Variants in CEP85L observed in about 807,000 individuals in gnomAD.
The protein encoded by CEP85L is centrosomal protein 85L.
CEP85L carries 60 observed loss-of-function variants against 100.3 expected under a neutral mutation model. That is an observed-to-expected ratio of 0.60 (90% CI 0.49 to 0.74). CEP85L has a LOEUF of 0.74. CEP85L is among the 30% of genes least tolerant of loss of function. The probability of loss-of-function intolerance (pLI) is 0.00; values close to 1 mark genes in which losing one functional copy is unlikely to be tolerated. For synonymous variants in CEP85L, 319 were observed against 322.7 expected (o/e 0.99, Z 0.12); for missense variants, 973 against 936.2 (o/e 1.04, Z -0.51).
chr6:118,651,126 G>A (rs1562340058), intron 1 of CEP85L, 71 bp downstream of exon 1: 1 of 1,436,022 alleles, frequency 7.0e-7, no homozygotes, highest in Non-Finnish European at 9.1e-7. Flanking sequence ...GAGGGGAGCG[G>A]CGGCGAGGTC....
intron 2 of CEP85L, among the ~76,000 whole-genome samples, chr6:118,587,482 T>G (rs181077165): frequency 6.6e-6 from 1 of 152,198 alleles, no homozygotes; most frequent in African/African-American, 2.4e-5. Context: ...TATACAAGGA[T>G]AGAAGCCCTA....
chr6:118,491,018 G>A (rs149027410), intron 6 of CEP85L, among the ~76,000 whole-genome samples: 139 of 152,120 alleles, frequency 9.1e-4, no homozygotes, highest in African/African-American at 3.1e-3. Flanking sequence ...ATGTAATGAC[G>A]TCTATTCCTC....
At chr6:118,508,010 T>G (rs1775758446) in intron 5 of CEP85L, among the ~76,000 whole-genome samples, 1 of 152,216 alleles carries the variant, frequency 6.6e-6, no homozygotes, top group African/African-American at 2.4e-5. Flanking sequence ...TTATCCATAG[T>G]TAAGATAAAC....
At chr6:118,667,792 A>C (rs1419992046) in intron 1 of CEP85L, among the ~76,000 whole-genome samples, 1 of 152,166 alleles carries the variant, frequency 6.6e-6, no homozygotes, top group East Asian at 1.9e-4. Context: ...CTTTCTATCT[A>C]CTACCCACTG....
chr6:118,606,031 A>G (rs1172878035), intron 2 of CEP85L, among the ~76,000 whole-genome samples: 1 of 150,974 alleles, frequency 6.6e-6, no homozygotes, highest in Non-Finnish European at 1.5e-5. Flanking sequence ...AAAAAAAAAA[A>G]GTGGAAAGCC....
At chr6:118,492,946 C>G (rs1409967003) in intron 5 of CEP85L, among the ~76,000 whole-genome samples, 1 of 152,068 alleles carries the variant, frequency 6.6e-6, no homozygotes, top group Non-Finnish European at 1.5e-5. Flanking sequence ...TTATCATGTC[C>G]AGGCTATTTC....
At chr6:118,506,416 C>A (rs1444593546) in intron 5 of CEP85L, among the ~76,000 whole-genome samples, 2 of 152,080 alleles carry the variant, frequency 1.3e-5, no homozygotes, top group East Asian at 3.9e-4. Context: ...CTGGCGTGAA[C>A]TGAAAGTCTA....
chr6:118,650,447 G>C (rs1775473344), intron 1 of CEP85L, among the ~76,000 whole-genome samples: 1 of 152,174 alleles, frequency 6.6e-6, no homozygotes, highest in African/African-American at 2.4e-5. Flanking sequence ...GATACAAACA[G>C]ACCCCTTCAG....
chr6:118,581,791 C>T (rs78787171), intron 2 of CEP85L, among the ~76,000 whole-genome samples: 1,629 of 152,208 alleles, frequency 0.011, 11 homozygotes, highest in Non-Finnish European at 0.018. Context: ...ACTGGGACTC[C>T]TTCAACCCTG....
chr6:118,653,831 T>A (rs1775681344), upstream of CEP85L, among the ~76,000 whole-genome samples: 1 of 151,504 alleles, frequency 6.6e-6, no homozygotes, highest in South Asian at 2.1e-4. Flanking sequence ...GGAGGGGACT[T>A]TTTAAGAATA....
intron 2 of CEP85L, among the ~76,000 whole-genome samples, chr6:118,608,740 A>T (rs1772416133): frequency 6.6e-6 from 1 of 152,242 alleles, no homozygotes; most frequent in Admixed American, 6.5e-5. Context: ...TGCTTGCTAC[A>T]GAAATGTGTT....
intron 1 of CEP85L, among the ~76,000 whole-genome samples, chr6:118,633,093 A>G (rs1215878510): frequency 1.3e-5 from 2 of 152,230 alleles, no homozygotes; most frequent in Non-Finnish European, 2.9e-5. Context: ...AATTTTTTCT[A>G]CAATCATCAC....
intron 2 of CEP85L, among the ~76,000 whole-genome samples, chr6:118,611,574 T>C (rs942487330): frequency 1.3e-5 from 2 of 152,168 alleles, no homozygotes; most frequent in African/African-American, 2.4e-5. Flanking sequence ...GCACAGCAGA[T>C]TGATGAGAAA....
At chr6:118,519,832 C>T (rs1029322822) in intron 4 of CEP85L, among the ~76,000 whole-genome samples, 14 of 151,854 alleles carry the variant, frequency 9.2e-5, no homozygotes, top group Non-Finnish European at 2.9e-5. Flanking sequence ...CTCTATGAGG[C>T]CAGCATGACC....
intron 10 of CEP85L, among the ~76,000 whole-genome samples, chr6:118,472,506 C>T (rs1261744309): frequency 6.6e-6 from 1 of 152,152 alleles, no homozygotes; most frequent in Non-Finnish European, 1.5e-5. Context: ...TCACCTAAAA[C>T]ATTAATTACT....
chr6:118,591,037 G>C (rs1781162399), intron 2 of CEP85L, among the ~76,000 whole-genome samples: 1 of 152,140 alleles, frequency 6.6e-6, no homozygotes, highest in Non-Finnish European at 1.5e-5. Flanking sequence ...GTTCAGCTGG[G>C]TAAGGGTCCA....
intron 3 of CEP85L, chr6:118,558,878 C>T (rs771080303): frequency 1.3e-5 from 20 of 1,531,804 alleles, no homozygotes; most frequent in Non-Finnish European, 1.6e-5. Context: ...TTTTATCTTT[C>T]TCTCGACCAC....
At chr6:118,539,446 CA>C (rs1421176996) in intron 3 of CEP85L, among the ~76,000 whole-genome samples, 1 of 152,086 alleles carries the variant, frequency 6.6e-6, no homozygotes, top group Admixed American at 6.6e-5. Context: ...GATGTTTACA[CA>C]ATAAAGAAAT....
At chr6:118,652,927 C>A, upstream of CEP85L, 2 of 529,334 alleles carry the variant, frequency 3.8e-6, no homozygotes, top group Non-Finnish European at 6.7e-6. Flanking sequence ...TTTTAAGTCC[C>A]AAAAAGAAAA....
Sources: gnomAD v4.1 joint callset for allele counts (sites outside exome capture counted in the v4.1 genomes callset) on GRCh38, gnomAD v4.1.1 for gene constraint, MANE v1.5 for transcripts, NCBI Gene and HGNC (gene_info 2026-07-23, HGNC 2026-07-21) for gene names.